PIK3AP1: variants seen among roughly 807,000 people sequenced by gnomAD.
PIK3AP1 encodes phosphoinositide 3-kinase adapter protein 1.
In PIK3AP1, 21 loss-of-function variants were observed where a neutral mutation model predicts 88.1. The observed-to-expected ratio is 0.24, with a 90% CI of 0.17 to 0.34. PIK3AP1 has a LOEUF of 0.34. Among genes scored for constraint, PIK3AP1 ranks in the 10% least tolerant of loss-of-function variants. PIK3AP1 has a pLI of 1.00. For synonymous variants in PIK3AP1, 398 were observed against 400.0 expected, an observed-to-expected ratio of 1.00 and a Z score of 0.06; for missense variants, 828 against 1,035.7, an observed-to-expected ratio of 0.80 and a Z score of 2.75.
chr10:96,632,837 C>T (rs1216318267), intron 8 of PIK3AP1: 7 of 1,587,646 alleles, frequency 4.4e-6, no homozygotes, highest in Admixed American at 1.7e-5. Context: ...ACACATCCAC[C>T]AGTCCAACAC....
chr10:96,718,523 G>A (rs183809218), intron 1 of PIK3AP1, among the ~76,000 whole-genome samples: 3 of 152,282 alleles, frequency 2.0e-5, no homozygotes, highest in South Asian at 2.1e-4. Context: ...CACAGAAGAC[G>A]CAGACAGCAA....
chr10:96,647,449 C>T (rs900608882), intron 7 of PIK3AP1, among the ~76,000 whole-genome samples: 5 of 152,182 alleles, frequency 3.3e-5, no homozygotes, highest in Admixed American at 2.0e-4. Context: ...ACTATGAACA[C>T]AGTAGGTTAT....
chr10:96,716,299 A>G (rs1290429950), intron 1 of PIK3AP1, among the ~76,000 whole-genome samples: 1 of 152,136 alleles, frequency 6.6e-6, no homozygotes, highest in Non-Finnish European at 1.5e-5. Context: ...AAATAAATAA[A>G]TAAATAAATA....
intron 8 of PIK3AP1, among the ~76,000 whole-genome samples, chr10:96,642,833 G>A (rs1252980096): frequency 6.6e-5 from 10 of 152,238 alleles, no homozygotes; most frequent in Admixed American, 5.9e-4. Context: ...AGCATGGCAT[G>A]TGTTAGAACA....
rs964244941 is a variant in PIK3AP1, at chr10:96,682,012, A to G, written c.431-25078T>C. Reference sequence around the variant, plus strand: ...TGTGTGTGTATATATATATATATATATAGAGAGAGAGAGAGAGAGAGAGAA... The same window carrying G: ...TGTGTGTGTATATATATATATATATGTAGAGAGAGAGAGAGAGAGAGAGAA... On this transcript the variant is annotated intron_variant, in intron 2 of 16. Coordinates refer to ENST00000339364, the MANE Select transcript of PIK3AP1 (RefSeq NM_152309.3). Among the ~76,000 whole-genome samples the G allele has an allele frequency of 3.5e-4, 37 of 104,734 alleles. 1 individual carries two copies. The South Asian group carries it at 4.6e-3, about 13-fold the overall frequency. 68.7% of individuals were successfully genotyped at this position (104,734 alleles called of 152,430 possible). A position where few individuals can be genotyped will look rare whatever the true frequency, so the allele number is the denominator to read the frequency against.
chr10:96,692,663 G>A (rs923250235), intron 2 of PIK3AP1, among the ~76,000 whole-genome samples: 6 of 152,070 alleles, frequency 3.9e-5, no homozygotes, highest in African/African-American at 7.2e-5. Context: ...AAACCCTCCT[G>A]TACAAAACCT....
At chr10:96,642,483 A>G (rs1302082080) in intron 8 of PIK3AP1, among the ~76,000 whole-genome samples, 1 of 151,844 alleles carries the variant, frequency 6.6e-6, no homozygotes, top group African/African-American at 2.4e-5. Flanking sequence ...AAAGAAAGAA[A>G]GAAAGGTAGA....
chr10:96,598,339 G>A (rs1175432706), intron 16 of PIK3AP1, among the ~76,000 whole-genome samples: 4 of 152,102 alleles, frequency 2.6e-5, no homozygotes, highest in African/African-American at 9.7e-5. Flanking sequence ...TTACAGGCAT[G>A]AGCCACTGTG....
rs139066695 is a variant in PIK3AP1 at position 96,709,767 on chromosome 10, T to A, written c.230A>T (p.Gln77Leu). ...VVVLLSAELV[Q>L]HFHKPALLPL... ...CAGCAAGGCGGGCTTGTGGAAGTGC[T>A]GCACCAGCTCCGCGGACAGCAGCAC... Residue 77 changes from glutamine (Q) to leucine (L), a missense_variant, in exon 2 of 17, where the codon CAG becomes CTG. This residue lies in a region of PIK3AP1 where 610 missense variants were observed against 760.1 expected (regional missense o/e 0.80). Transcript: ENST00000339364. 7 of 1,613,834 alleles carry A rather than the reference T, an allele frequency of 4.3e-6. No individual in the cohort carries two copies. In the African/African-American group the frequency reaches 9.3e-5, roughly 21 times the overall value.
chr10:96,620,740 A>C, intron 11 of PIK3AP1, 183 bp from the exon 12 acceptor site: 2 of 588,560 alleles, frequency 3.4e-6, no homozygotes, highest in Non-Finnish European at 6.0e-6. Context: ...TAATAATTCC[A>C]AGGCCTATCA....
At chr10:96,717,307 C>T (rs954143306) in intron 1 of PIK3AP1, among the ~76,000 whole-genome samples, 24 of 151,018 alleles carry the variant, frequency 1.6e-4, no homozygotes, top group African/African-American at 5.6e-4. Flanking sequence ...ACAGGAAGTG[C>T]CAGAAAGCTT....
intron 3 of PIK3AP1, among the ~76,000 whole-genome samples, chr10:96,654,596 C>T (rs1843589386): frequency 6.6e-6 from 1 of 152,210 alleles, no homozygotes; most frequent in Admixed American, 6.5e-5. Flanking sequence ...TGTGTGTCTC[C>T]TCTACTGACA....
At position 96,626,737 on chromosome 10, in the gene PIK3AP1, A is replaced by C; in HGVS notation, c.1640T>G (p.Leu547Arg). The C allele has an allele frequency of 6.2e-7, 1 of 1,614,238 alleles. No individual in the cohort carries two copies. Among genetic ancestry groups the C allele is most frequent in the Non-Finnish European group, 8.5e-7 (1 of 1,180,034 alleles). Residue 547 changes from leucine (L) to arginine (R), a missense_variant, in exon 10 of 17, where the codon CTG (leucine) becomes CGG (arginine). Leu to Arg is a moderately radical substitution (Grantham distance 102). This residue lies in a region of PIK3AP1 where 610 missense variants were observed against 760.1 expected (regional missense o/e 0.80). Coordinates refer to ENST00000339364, the MANE Select transcript of PIK3AP1 (RefSeq NM_152309.3). Reference protein sequence around the residue: ...PETTAPGAHQLPDNEPYIFKV... With the variant: ...PETTAPGAHQRPDNEPYIFKV... ...AAAAATGTATGGTTCGTTGTCAGGC[A>C]GCTGGTGAGCACCAGGAGCAGTGGT...
intron 2 of PIK3AP1, among the ~76,000 whole-genome samples, chr10:96,672,249 G>A (rs1185381044): frequency 1.3e-5 from 2 of 152,208 alleles, no homozygotes. Context: ...TTCTGTGCCA[G>A]ACGCAGACTC....
At chr10:96,619,254 A>T (rs1843042505) in intron 12 of PIK3AP1, 1 of 152,166 alleles carries the variant, frequency 6.6e-6, no homozygotes. Flanking sequence ...ACTCTTCACC[A>T]CTAATCCTGT....
intron 2 of PIK3AP1, among the ~76,000 whole-genome samples, chr10:96,697,733 AAAC>A (rs1184651390): frequency 6.6e-6 from 1 of 152,198 alleles, no homozygotes; most frequent in Non-Finnish European, 1.5e-5. Flanking sequence ...TGTCTCAAAC[AAAC>A]AACAAAAAGT....
intron 2 of PIK3AP1, among the ~76,000 whole-genome samples, chr10:96,688,471 T>C (rs1844105305): frequency 6.6e-6 from 1 of 152,246 alleles, no homozygotes; most frequent in Non-Finnish European, 1.5e-5. Context: ...AAAAATTACA[T>C]ATATTTATCA....
intron 2 of PIK3AP1, among the ~76,000 whole-genome samples, chr10:96,685,848 G>C (rs1844060411): frequency 6.6e-6 from 1 of 152,198 alleles, no homozygotes; most frequent in Non-Finnish European, 1.5e-5. Context: ...TCCCTGCTGA[G>C]TAGTAAGTCC....
At chr10:96,666,311 C>T (rs1456327092) in intron 2 of PIK3AP1, among the ~76,000 whole-genome samples, 1 of 151,794 alleles carries the variant, frequency 6.6e-6, no homozygotes, top group African/African-American at 2.4e-5. Context: ...CCCAGCTACT[C>T]GGGAGGCTGA....
Sources: allele counts gnomAD v4.1 joint callset (sites outside exome capture counted in the v4.1 genomes callset), GRCh38; gene constraint gnomAD v4.1.1; regional missense constraint gnomAD v4.1.1; transcripts MANE v1.5; gene names NCBI Gene and HGNC (gene_info 2026-07-23, HGNC 2026-07-21).